Variants in LSM14B observed in about 807,000 individuals in gnomAD.
The protein encoded by LSM14B is LSM family member 14B.
A neutral mutation model predicts 42.1 loss-of-function variants in LSM14B; 8 were observed. The observed-to-expected ratio is 0.19, with a 90% CI of 0.11 to 0.34. The LOEUF (loss-of-function observed/expected upper bound fraction) is 0.34. Among genes scored for constraint, LSM14B ranks in the 10% least tolerant of loss-of-function variants. LSM14B has a pLI of 1.00. For missense variants in LSM14B, 396 were observed against 513.1 expected (o/e 0.77, Z 2.21); for synonymous variants, 219 against 209.7 (o/e 1.04, Z -0.38).
chr20:62,124,677 T>A lies in LSM14B; in HGVS notation c.188T>A (p.Ile63Asn), dbSNP rs1191129843. Residue 63 changes from isoleucine to asparagine, a missense_variant, in exon 2 of 9, where the codon ATT (isoleucine) becomes AAT (asparagine). By Grantham distance (149) the Ile-to-Asn change is moderately radical. This residue lies in a region of LSM14B where 274 missense variants were observed against 335.8 expected (regional missense o/e 0.82). Coordinates refer to ENST00000279068, the MANE Select transcript of LSM14B (RefSeq NM_144703.3). ...TDRPAPPREE[I>N]YEYIIFRGSD... Reference sequence around the variant, plus strand: ...AGGCCTGCGCCCCCCAGAGAGGAGATTTATGAGTACATCATTTTCCGAGGA... The same window carrying A: ...AGGCCTGCGCCCCCCAGAGAGGAGAATTATGAGTACATCATTTTCCGAGGA... 6.2e-7 allele frequency: 1 copy of A among 1,613,856 alleles called. No individual in the cohort carries two copies. The highest frequency in any genetic ancestry group is 1.7e-5 in the Admixed American group (1 of 60,008).
At chr20:62,133,166 GC>G in intron 7 of LSM14B, 123 bp from the exon 8 acceptor site, 7 of 1,217,804 alleles carry the variant, frequency 5.7e-6, no homozygotes, top group Non-Finnish European at 7.9e-6. Flanking sequence ...TGACGGGGCC[GC>G]CCCTTCCCTG....
intron 3 of LSM14B, chr20:62,128,968 C>A (rs2056685515): frequency 7.7e-7 from 1 of 1,304,198 alleles, no homozygotes; most frequent in African/African-American, 1.5e-5. Context: ...ACACCCAGTC[C>A]CACATTGTCC....
At chr20:62,133,001 C>T (rs1278134450) in intron 7 of LSM14B, among the ~76,000 whole-genome samples, 1 of 152,184 alleles carries the variant, frequency 6.6e-6, no homozygotes, top group African/African-American at 2.4e-5. Context: ...GCCCAGCGAG[C>T]AACAGCGGCT....
At position 62,124,642 on chromosome 20, in the gene LSM14B, T is replaced by C; in HGVS notation, c.153T>C (p.Arg51=). 1 of 1,613,892 alleles carries C rather than the reference T, an allele frequency of 6.2e-7. No individual in the cohort carries two copies. The highest frequency in any genetic ancestry group is 8.5e-7 in the Non-Finnish European group (1 of 1,179,858). ...AKVRSFGTED[R]PTDRPAPPRE... ...TGAGGTCCTTTGGCACTGAAGACCG[T>C]CCCACAGATAGGCCTGCGCCCCCCA... Residue 51 remains arginine, a synonymous_variant, in exon 2 of 9, where the codon CGT becomes CGC. Coordinates refer to ENST00000279068, the MANE Select transcript of LSM14B (RefSeq NM_144703.3).
At position 62,124,743 on chromosome 20, in the gene LSM14B, C is replaced by T. The variant is rs755922531; in HGVS notation, c.254C>T (p.Ala85Val). The part of the protein sequence containing the change: ...KDITVCEPPK[A>V]QHTLPQDPAI... The stretch of plus-strand genomic sequence containing the variant: ...ATCACTGTGTGTGAACCTCCGAAAG[C>T]TCAGCACACACTCCCGCAGGATCCC... Residue 85 changes from alanine to valine, a missense_variant, in exon 2 of 9, where the codon GCT becomes GTT. Around this residue, in one of 3 missense-constraint regions of LSM14B, gnomAD observed 274 missense variants for 335.8 expected, o/e 0.82. Transcript: ENST00000279068. 2.5e-5 allele frequency: 41 copies of T among 1,613,678 alleles called. No individual in the cohort carries two copies. In the Admixed American group the frequency reaches 6.5e-4, roughly 26 times the overall value.
At chr20:62,125,265 C>T (rs1568703556) in intron 2 of LSM14B, among the ~76,000 whole-genome samples, 1 of 152,222 alleles carries the variant, frequency 6.6e-6, no homozygotes, top group Non-Finnish European at 1.5e-5. Flanking sequence ...TTGTAGCACA[C>T]ACAGTAGGTG....
At chr20:62,126,975 C>G (rs556722045) in intron 3 of LSM14B, among the ~76,000 whole-genome samples, 1 of 151,968 alleles carries the variant, frequency 6.6e-6, no homozygotes, top group Admixed American at 6.6e-5. Context: ...CTAGCCTGAG[C>G]GGCACAGTGA....
At chr20:62,124,470 AAGT>A (rs1237626962) in intron 1 of LSM14B, 144 bp from the exon 2 acceptor site, 4 of 735,452 alleles carry the variant, frequency 5.4e-6, no homozygotes, top group Non-Finnish European at 8.7e-6. Context: ...TCGGGGCATT[AAGT>A]AGTTGTTGAA....
At chr20:62,131,285 G>A in intron 6 of LSM14B, 71 bp from the exon 7 acceptor site, 1 of 1,514,240 alleles carries the variant, frequency 6.6e-7, no homozygotes, top group Non-Finnish European at 8.8e-7. Flanking sequence ...TGAGCCCGGA[G>A]GGACCACCCT....
chr20:62,127,183 A>G (rs1172816336), intron 3 of LSM14B, among the ~76,000 whole-genome samples: 1 of 152,244 alleles, frequency 6.6e-6, no homozygotes, highest in South Asian at 2.1e-4. Context: ...AATGGTTTCA[A>G]CCAAGATTGA....
intron 3 of LSM14B, among the ~76,000 whole-genome samples, chr20:62,129,364 A>G (rs1446615023): frequency 6.6e-6 from 1 of 152,226 alleles, no homozygotes; most frequent in African/African-American, 2.4e-5. Flanking sequence ...GACCAGAATG[A>G]AACAAATTCT....
At chr20:62,132,158 A>T (rs1254966088) in intron 7 of LSM14B, among the ~76,000 whole-genome samples, 1 of 152,202 alleles carries the variant, frequency 6.6e-6, no homozygotes, top group Non-Finnish European at 1.5e-5. Flanking sequence ...GGAAAAATAG[A>T]ACAGCATGTC....
intron 7 of LSM14B, among the ~76,000 whole-genome samples, chr20:62,132,015 C>T (rs1254066176): frequency 3.3e-5 from 5 of 152,234 alleles, no homozygotes; most frequent in Non-Finnish European, 5.9e-5. Context: ...GTGGCATCTA[C>T]AGTGTGGGCC....
chr20:62,130,589 A>AAC lies in LSM14B; in HGVS notation c.737_738dup (p.Ile247GlnfsTer30), dbSNP rs1285683900. On this transcript the variant is annotated frameshift_variant, in exon 6 of 9. Coordinates refer to ENST00000279068, the MANE Select transcript of LSM14B (RefSeq NM_144703.3). LOFTEE classifies it high-confidence loss of function. The surrounding 1 kb of genome is among the most constrained non-coding windows in gnomAD (Gnocchi z 4.1). ...AAACCGTCCAACTAACGTTAAGGAA[A>AAC]ACACAATCAAATTTGAGGGTGACTT... 1 of 1,613,884 alleles carries AAC rather than the reference A, an allele frequency of 6.2e-7. No homozygotes were observed. Among genetic ancestry groups the AAC allele is most frequent in the Non-Finnish European group, 8.5e-7 (1 of 1,179,898 alleles).
At chr20:62,131,256 C>G in intron 6 of LSM14B, 100 bp from the exon 7 acceptor site, 1 of 1,348,102 alleles carries the variant, frequency 7.4e-7, no homozygotes, top group East Asian at 2.4e-5. Flanking sequence ...GATGTCTTAG[C>G]TTGAGGGTGG....
Position 62,130,172 on chromosome 20 carries a change from C to T in LSM14B, c.596-47C>T. ...TGCTTCCACAGCTGGGTTCTGGCTT[C>T]CGGCTGCTATAGGAGCTTTGCCTTA... On this transcript the variant is annotated intron_variant, in intron 4 of 8. Transcript: ENST00000279068. This position sits in a 1 kb window ranked among gnomAD's most constrained non-coding sequence, Gnocchi z 4.1. 1.3e-6 allele frequency: 2 copies of T among 1,554,222 alleles called. No individual in the cohort carries two copies. Among genetic ancestry groups the T allele is most frequent in the Non-Finnish European group, 1.7e-6 (2 of 1,148,816 alleles).
intron 1 of LSM14B, among the ~76,000 whole-genome samples, chr20:62,123,606 G>A (rs1369260746): frequency 6.6e-6 from 1 of 152,216 alleles, no homozygotes; most frequent in African/African-American, 2.4e-5. Flanking sequence ...AGAGAAGACG[G>A]GGAGTGCACT....
rs57762112 is a variant in LSM14B, at chr20:62,124,660, G to A, written c.171G>A (p.Ala57=). The change falls in exon 2 of 9, where the codon GCG becomes GCA. Residue 57 remains alanine (A), a synonymous_variant. Transcript: ENST00000279068. ...AAGACCGTCCCACAGATAGGCCTGC[G>A]CCCCCCAGAGAGGAGATTTATGAGT... The part of the protein sequence containing the change: ...GTEDRPTDRP[A]PPREEIYEYI... The A allele has an allele frequency of 5.0e-4, 803 of 1,613,838 alleles. 9 individuals are homozygous for A. The East Asian group carries it at 0.017, about 34-fold the overall frequency.
intron 7 of LSM14B, among the ~76,000 whole-genome samples, chr20:62,132,782 A>T (rs1373906920): frequency 1.3e-5 from 2 of 152,032 alleles, no homozygotes; most frequent in East Asian, 3.9e-4. Flanking sequence ...GCACAGTTGG[A>T]TGTGGGAGAT....
Sources: gnomAD v4.1 joint callset for allele counts (sites outside exome capture counted in the v4.1 genomes callset) on GRCh38, gnomAD v4.1.1 for gene constraint, gnomAD v4.1.1 regional missense constraint, Gnocchi (gnomAD v3.1) non-coding constraint, MANE v1.5 for transcripts, NCBI Gene and HGNC (gene_info 2026-07-23, HGNC 2026-07-21) for gene names.